TCERG1: variants seen among roughly 807,000 people sequenced by gnomAD.
TCERG1 encodes TATA box binding protein (TBP)-associated factor, RNA polymerase II, S, 150kD.
A neutral mutation model predicts 144.7 loss-of-function variants in TCERG1; 37 were observed. The ratio of observed to expected loss-of-function variants is 0.26; its 90% CI spans 0.20 to 0.34. The LOEUF (loss-of-function observed/expected upper bound fraction) is 0.34, where lower values mean the gene tolerates loss of function less well. TCERG1 is among the 10% of genes least tolerant of loss of function. The pLI, the probability that TCERG1 is intolerant of heterozygous loss-of-function variation, is 1.00. For missense variants in TCERG1, 1,027 were observed against 1,380.7 expected, an observed-to-expected ratio of 0.74 and a Z score of 4.06; for synonymous variants, 492 against 458.2, an observed-to-expected ratio of 1.07 and a Z score of -0.94.
chr5:146,502,646 C>A (rs1767589175), intron 17 of TCERG1, among the ~76,000 whole-genome samples: 1 of 152,052 alleles, frequency 6.6e-6, no homozygotes, highest in African/African-American at 2.4e-5. Context: ...GAGTATAATA[C>A]TGGATAAACA....
rs1768401329 is a variant in TCERG1, at chr5:146,510,824, G to C, written c.*182G>C. On this transcript the variant is annotated 3_prime_UTR_variant, in exon 23 of 23. Coordinates refer to ENST00000679501, the MANE Select transcript of TCERG1 (RefSeq NM_001382548.1). ...AAATATTTATGCTTTTCTTTGTGTGGCATGACTGACATACATACTCAAATA... is the reference window on the plus strand; with the variant it reads ...AAATATTTATGCTTTTCTTTGTGTGCCATGACTGACATACATACTCAAATA... 1.9e-6 allele frequency: 1 copy of C among 518,750 alleles called. No homozygotes were observed. Among genetic ancestry groups the C allele is most frequent in the Middle Eastern group, 5.2e-4 (1 of 1,916 alleles). 32.1% of individuals were successfully genotyped at this position (518,750 alleles called of 1,614,324 possible). A position where few individuals can be genotyped will look rare whatever the true frequency, so the allele number is the denominator to read the frequency against.
chr5:146,448,505 G>C (rs868317464), intron 1 of TCERG1, among the ~76,000 whole-genome samples: 1 of 152,186 alleles, frequency 6.6e-6, no homozygotes, highest in Non-Finnish European at 1.5e-5. Context: ...CAGATGTTCA[G>C]CTCCCATTCT....
intron 1 of TCERG1, 99 bp from the exon 2 acceptor site, chr5:146,454,957 C>T: frequency 7.6e-7 from 1 of 1,321,962 alleles, no homozygotes; most frequent in Non-Finnish European, 1.0e-6. Flanking sequence ...TCCACTTAGA[C>T]TTAAGAACCT....
At chr5:146,462,129 C>T (rs983130291) in intron 4 of TCERG1, 1 of 152,568 alleles carries the variant, frequency 6.6e-6, no homozygotes, top group Non-Finnish European at 1.5e-5. Flanking sequence ...CGAAATTGCT[C>T]ACATCTTCCC....
intron 22 of TCERG1, chr5:146,509,990 C>T: frequency 8.1e-7 from 1 of 1,239,876 alleles, no homozygotes; most frequent in Non-Finnish European, 1.0e-6. Context: ...ATTTTTTGGT[C>T]AGGATCCTTA....
At chr5:146,478,437 T>C in intron 9 of TCERG1, 56 bp from the exon 10 acceptor site, 2 of 1,479,722 alleles carry the variant, frequency 1.4e-6, no homozygotes, top group Non-Finnish European at 1.8e-6. Context: ...AAAGAAGTCC[T>C]AGCTGTAAAA....
intron 3 of TCERG1, among the ~76,000 whole-genome samples, chr5:146,458,675 A>G (rs553075412): frequency 8.0e-5 from 12 of 149,892 alleles, no homozygotes; most frequent in Admixed American, 6.7e-4. Context: ...GGGTTTCACC[A>G]TTTTGGCCAG....
intron 16 of TCERG1, among the ~76,000 whole-genome samples, chr5:146,495,048 A>C (rs1157925780): frequency 6.6e-6 from 1 of 152,208 alleles, no homozygotes; most frequent in South Asian, 2.1e-4. Context: ...TATTTTACCT[A>C]TAAGTAATAG....
At chr5:146,454,548 C>T (rs1561631768) in intron 1 of TCERG1, among the ~76,000 whole-genome samples, 1 of 151,884 alleles carries the variant, frequency 6.6e-6, no homozygotes, top group African/African-American at 2.4e-5. Flanking sequence ...TCATCCAAAA[C>T]TAGATCATCC....
intron 5 of TCERG1, among the ~76,000 whole-genome samples, chr5:146,464,193 A>G (rs1180539505): frequency 1.3e-5 from 2 of 152,236 alleles, no homozygotes; most frequent in Non-Finnish European, 2.9e-5. Context: ...TGTTACATGC[A>G]TTAACTCCTT....
chr5:146,495,880 C>T (rs1004180880), intron 16 of TCERG1, among the ~76,000 whole-genome samples: 42 of 152,206 alleles, frequency 2.8e-4, no homozygotes, highest in African/African-American at 8.9e-4. Context: ...CTTGGCCAGG[C>T]GCAGTGGCTC....
intron 18 of TCERG1, 125 bp downstream of exon 18, chr5:146,503,664 A>G: frequency 2.2e-6 from 3 of 1,377,770 alleles, no homozygotes; most frequent in Admixed American, 2.4e-5. Context: ...TATTCTTAAC[A>G]TAAGAGTCTA....
intron 9 of TCERG1, among the ~76,000 whole-genome samples, 166 bp downstream of exon 9, chr5:146,471,742 G>A (rs1461538706): frequency 1.3e-5 from 2 of 152,030 alleles, no homozygotes; most frequent in Non-Finnish European, 2.9e-5. Context: ...GGGACTACAG[G>A]CACACGCCAC....
chr5:146,504,045 G>A, intron 19 of TCERG1, 39 bp downstream of exon 19: 1 of 1,406,806 alleles, frequency 7.1e-7, no homozygotes, highest in Non-Finnish European at 9.4e-7. Flanking sequence ...CTAAAGTACT[G>A]GATATTGGAA....
intron 17 of TCERG1, among the ~76,000 whole-genome samples, chr5:146,500,159 A>G (rs1477547500): frequency 1.3e-5 from 2 of 151,922 alleles, no homozygotes; most frequent in African/African-American, 2.4e-5. Context: ...GGTTGGCTTT[A>G]TACCATTACT....
intron 17 of TCERG1, among the ~76,000 whole-genome samples, chr5:146,502,837 AT>A (rs1407683506): frequency 2.0e-5 from 3 of 152,078 alleles, no homozygotes; most frequent in African/African-American, 7.2e-5. Flanking sequence ...TTTTTACCCT[AT>A]TTTGATTTCA....
At chr5:146,475,698 C>T (rs533410407) in intron 9 of TCERG1, among the ~76,000 whole-genome samples, 1 of 152,236 alleles carries the variant, frequency 6.6e-6, no homozygotes, top group East Asian at 1.9e-4. Context: ...GCTTAGCGTT[C>T]CAATAATGGA....
intron 1 of TCERG1, among the ~76,000 whole-genome samples, chr5:146,449,008 G>A (rs1343167558): frequency 6.6e-6 from 1 of 152,194 alleles, no homozygotes; most frequent in African/African-American, 2.4e-5. Context: ...AAATGAATTT[G>A]CCCTGTTGCA....
intron 17 of TCERG1, chr5:146,503,120 TATAAA>T (rs758160001): frequency 5.3e-6 from 1 of 187,768 alleles, no homozygotes; most frequent in Non-Finnish European, 1.1e-5. Flanking sequence ...ATAATTTCTT[TATAAA>T]ATATTATTTA....
Sources: gnomAD v4.1 joint callset for allele counts (sites outside exome capture counted in the v4.1 genomes callset) on GRCh38, gnomAD v4.1.1 for gene constraint, MANE v1.5 for transcripts, NCBI Gene and HGNC (gene_info 2026-07-23, HGNC 2026-07-21) for gene names.